SMG1: variants seen among roughly 807,000 people sequenced by gnomAD.
SMG1 encodes serine/threonine-protein kinase SMG1.
In SMG1, 22 loss-of-function variants were observed where a neutral mutation model predicts 419.9. The observed-to-expected ratio is 0.05, with a 90% CI of 0.04 to 0.07. The LOEUF is 0.07. Ranked by LOEUF, SMG1 falls within the 10% of genes least tolerant of loss-of-function variation. The pLI is 1.00. For missense variants in SMG1, 3,185 were observed against 4,342.0 expected (o/e 0.73, Z 7.49); for synonymous variants, 1,538 against 1,553.5 (o/e 0.99, Z 0.23).
chr16:18,909,814 T>G (rs1156930166), intron 1 of SMG1, among the ~76,000 whole-genome samples: 1 of 152,138 alleles, frequency 6.6e-6, no homozygotes, highest in Non-Finnish European at 1.5e-5. Flanking sequence ...AGAAATTTAC[T>G]GAGGTCTTTG....
At chr16:18,840,228 TTTC>T (rs1198356830) in intron 41 of SMG1, among the ~76,000 whole-genome samples, 1 of 152,256 alleles carries the variant, frequency 6.6e-6, no homozygotes, top group Admixed American at 6.5e-5. Context: ...CTCAAGTTAC[TTTC>T]TTCTTTATAA....
At position 18,815,209 on chromosome 16, in the gene SMG1, C is replaced by T. The variant is rs369959504; in HGVS notation, c.10587G>A (p.Thr3529=). The change falls in exon 60 of 63, where the codon ACG becomes ACA. Residue 3529 remains threonine (T), a synonymous_variant. Transcript: ENST00000446231. The part of the protein sequence containing the change: ...TDATNECSSP[T]SSATYQPSFA... ...AGGATGGCTGATAAGTAGCAGATGA[C>T]GTTGGACTCGAACATTCATTTGTTG... The T allele has an allele frequency of 2.5e-6, 4 of 1,595,518 alleles. No individual in the cohort carries two copies. Among genetic ancestry groups the T allele is most frequent in the Non-Finnish European group, 3.4e-6 (4 of 1,170,502 alleles).
In SMG1 at chr16:18,807,222, C is replaced by T. The variant is rs1471483909; in HGVS notation, c.*2347G>A. On this transcript the variant is annotated 3_prime_UTR_variant, in exon 63 of 63. Transcript: ENST00000446231. ...CCAAAGAGAAAGCAATTTCTGAATACTATCTATAGTGCTAAACTAATGTGA... is the reference window on the plus strand; with the variant it reads ...CCAAAGAGAAAGCAATTTCTGAATATTATCTATAGTGCTAAACTAATGTGA... 1 of 152,176 alleles carries T rather than the reference C, an allele frequency of 6.6e-6. No individual in the cohort carries two copies. Among genetic ancestry groups the T allele is most frequent in the Non-Finnish European group, 1.5e-5 (1 of 68,028 alleles). The allele number at this position is 152,176 out of a possible 1,614,324, so 9.4% of individuals were successfully genotyped here.
intron 48 of SMG1, 135 bp from the exon 49 acceptor site, chr16:18,835,299 AG>A: frequency 1.0e-6 from 1 of 982,002 alleles, no homozygotes; most frequent in Non-Finnish European, 1.5e-6. Flanking sequence ...AAATGTCTCA[AG>A]AGCTTAAGCA....
intron 55 of SMG1, among the ~76,000 whole-genome samples, chr16:18,827,164 A>G (rs1255516854): frequency 6.6e-6 from 1 of 152,074 alleles, no homozygotes; most frequent in Non-Finnish European, 1.5e-5. Context: ...CGGTGGCTCA[A>G]GCCTGCAATC....
In SMG1 at chr16:18,841,489, TG is replaced by T. The variant is rs372588862; in HGVS notation, c.6696+75del. 1,352 of 1,355,146 alleles carry T rather than the reference TG, an allele frequency of 1.0e-3. 13 individuals carry two copies. In the African/African-American group the frequency reaches 0.018, roughly 18 times the overall value. 83.9% of individuals were successfully genotyped at this position (1,355,146 alleles called of 1,614,324 possible). A position where few individuals can be genotyped will look rare whatever the true frequency, so the allele number is the denominator to read the frequency against. On this transcript the variant is annotated intron_variant, in intron 41 of 62. Transcript: ENST00000446231. Reference sequence around the variant, plus strand: ...TTAACTGCTTATAAACATGCAAAAATGGTCCAGTAAGTCTACAAGTATTTCA... The same window carrying T: ...TTAACTGCTTATAAACATGCAAAAATGTCCAGTAAGTCTACAAGTATTTCA...
chr16:18,809,948 G>A (rs577852502), intron 62 of SMG1, among the ~76,000 whole-genome samples: 2 of 151,640 alleles, frequency 1.3e-5, no homozygotes, highest in Non-Finnish European at 2.9e-5. Context: ...AATCTCTCAT[G>A]GTTTTTGACA....
Position 18,809,440 on chromosome 16 carries a change from T to C in SMG1, c.*129A>G. 1.4e-6 allele frequency: 1 copy of C among 699,364 alleles called. No individual in the cohort carries two copies. The highest frequency in any genetic ancestry group is 2.7e-5 in the East Asian group (1 of 36,416). The allele number at this position is 699,364 out of a possible 1,614,324, so 43.3% of individuals were successfully genotyped here. On this transcript the variant is annotated 3_prime_UTR_variant, in exon 63 of 63. Transcript: ENST00000446231. Reference sequence around the variant, plus strand: ...CACTTCCTAGTGCACCGAGATTTCCTAGGTTTCCTCAGAGTAAGCCCCCAG... The same window carrying C: ...CACTTCCTAGTGCACCGAGATTTCCCAGGTTTCCTCAGAGTAAGCCCCCAG...
intron 3 of SMG1, among the ~76,000 whole-genome samples, chr16:18,895,372 G>C (rs911370316): frequency 6.6e-6 from 1 of 151,972 alleles, no homozygotes; most frequent in Non-Finnish European, 1.5e-5. Context: ...CCAGCTACTT[G>C]GGAGGCTGAG....
At position 18,849,930 on chromosome 16, in the gene SMG1, C is replaced by T. The variant is rs760141531; in HGVS notation, c.5461+19G>A. 2 of 1,597,184 alleles carry T rather than the reference C, an allele frequency of 1.3e-6. No individual in the cohort carries two copies. Among genetic ancestry groups the T allele is most frequent in the South Asian group, 1.1e-5 (1 of 88,534 alleles). ...TAGTGAGAAACTATTTTTCCTGAAACATTTTATGCAGGTCTCACCTCTCCA... is the reference window on the plus strand; with the variant it reads ...TAGTGAGAAACTATTTTTCCTGAAATATTTTATGCAGGTCTCACCTCTCCA... On this transcript the variant is annotated intron_variant, in intron 35 of 62. Coordinates refer to ENST00000446231, the MANE Select transcript of SMG1 (RefSeq NM_015092.5).
rs1046658725 is a variant in SMG1 at position 18,896,951 on chromosome 16, T to C, written c.98A>G (p.Asp33Gly). The C allele has an allele frequency of 3.9e-6, 6 of 1,552,162 alleles. No individual in the cohort carries two copies. Among genetic ancestry groups the C allele is most frequent in the Non-Finnish European group, 5.2e-6 (6 of 1,144,408 alleles). ...ATTATCTGGGTCGGCTGATGCACTA[T>C]CAGTTCTATAAAAAGAGAAAAGTTT... ...RSWNDWQPRT[D>G]SASADPDNLK... The change falls in exon 2 of 63, where the codon GAT becomes GGT. Residue 33 changes from aspartate to glycine, a missense_variant. Coordinates refer to ENST00000446231, the MANE Select transcript of SMG1 (RefSeq NM_015092.5).
chr16:18,844,594 G>A, intron 39 of SMG1, among the ~76,000 whole-genome samples: 1 of 73,544 alleles, frequency 1.4e-5, no homozygotes, highest in Non-Finnish European at 2.8e-5. Context: ...GGAAACTCGA[G>A]TTTTGGCAAG....
intron 57 of SMG1, among the ~76,000 whole-genome samples, 181 bp downstream of exon 57, chr16:18,817,110 T>C (rs2032070903): frequency 6.1e-5 from 1 of 16,290 alleles, no homozygotes; most frequent in Non-Finnish European, 2.2e-4. Context: ...ATATAATATG[T>C]TTCGGGGCGG....
chr16:18,818,061 G>A (rs375324312), intron 56 of SMG1, among the ~76,000 whole-genome samples: 9 of 144,272 alleles, frequency 6.2e-5, no homozygotes, highest in South Asian at 2.2e-4. Context: ...CCAGAGGTGC[G>A]TGCCACCATG....
rs550687779 is a variant in SMG1, at chr16:18,868,946, A to G, written c.2833+158T>C. 4.6e-5 allele frequency among the ~76,000 whole-genome samples: 7 copies of G among 152,334 alleles called. No individual in the cohort carries two copies. The South Asian group carries it at 1.5e-3, about 32-fold the overall frequency. ...GAAAAAAAAACATATTTCCAATGCAATTATTCAATGAAAGCTTATTCTAAC... is the reference window on the plus strand; with the variant it reads ...GAAAAAAAAACATATTTCCAATGCAGTTATTCAATGAAAGCTTATTCTAAC... On this transcript the variant is annotated intron_variant, in intron 20 of 62. Transcript: ENST00000446231.
intron 23 of SMG1, among the ~76,000 whole-genome samples, chr16:18,864,528 T>TG (rs1332960391): frequency 1.6e-4 from 25 of 151,746 alleles, no homozygotes; most frequent in African/African-American, 5.3e-4. Flanking sequence ...GACAGAGTCT[T>TG]ACTGTCACCC....
intron 55 of SMG1, 84 bp downstream of exon 55, chr16:18,827,947 A>G: frequency 4.2e-6 from 6 of 1,423,286 alleles, no homozygotes; most frequent in Non-Finnish European, 4.8e-6. Flanking sequence ...AAATAGACAC[A>G]CTGAACAACA....
At chr16:18,888,255 C>T (rs1333462988) in intron 6 of SMG1, among the ~76,000 whole-genome samples, 2 of 148,268 alleles carry the variant, frequency 1.3e-5, no homozygotes, top group African/African-American at 5.0e-5. Flanking sequence ...TATTCATTTA[C>T]ACATAATTAT....
intron 59 of SMG1, 75 bp downstream of exon 59, chr16:18,815,365 A>T (rs940192002): frequency 3.2e-6 from 5 of 1,573,868 alleles, no homozygotes; most frequent in South Asian, 2.3e-5. Flanking sequence ...TGAAAAATTA[A>T]ATCAAGAGAT....
Sources: allele counts gnomAD v4.1 joint callset (sites outside exome capture counted in the v4.1 genomes callset), GRCh38; gene constraint gnomAD v4.1.1; transcripts MANE v1.5; gene names NCBI Gene and HGNC (gene_info 2026-07-23, HGNC 2026-07-21).